Variants in PPARGC1A observed in about 807,000 individuals in gnomAD.
The protein encoded by PPARGC1A is PPARG coactivator 1 alpha, also known as peroxisome proliferator-activated receptor gamma coactivator 1-alpha.
In PPARGC1A, 25 loss-of-function variants were observed where a neutral mutation model predicts 88.7. The ratio of observed to expected loss-of-function variants is 0.28; its 90% confidence interval spans 0.21 to 0.39. PPARGC1A has a LOEUF of 0.39. Ranked by LOEUF, PPARGC1A falls within the 10% of genes least tolerant of loss-of-function variation. The pLI is 1.00. For synonymous variants in PPARGC1A, 363 were observed against 355.6 expected (o/e 1.02, Z -0.24); for missense variants, 880 against 968.7 (o/e 0.91, Z 1.22).
At chr4:24,198,085 C>G in the PPARGC1A span, among the ~76,000 whole-genome samples, 1 of 152,114 alleles carries the variant, frequency 6.6e-6, no homozygotes, top group East Asian at 1.9e-4. Context: ...ACAGACATAC[C>G]AAAGCAAAGC....
chr4:24,141,905 C>T, the PPARGC1A span, among the ~76,000 whole-genome samples: 2 of 152,142 alleles, frequency 1.3e-5, no homozygotes, highest in Non-Finnish European at 2.9e-5. Context: ...AAAGGAGCCA[C>T]GTTTCTAATC....
intron 2 of PPARGC1A, among the ~76,000 whole-genome samples, chr4:23,832,599 T>A (rs1725217596): frequency 6.7e-6 from 1 of 148,920 alleles, no homozygotes; most frequent in South Asian, 2.1e-4. Context: ...TATTTCTTTT[T>A]CTTTTTCTTT....
intron 2 of PPARGC1A, among the ~76,000 whole-genome samples, chr4:23,859,845 T>G (rs1033211319): frequency 2.7e-5 from 3 of 111,768 alleles, no homozygotes; most frequent in African/African-American, 1.1e-4. Flanking sequence ...TAAAATAAAA[T>G]AAAATAAAAT....
the PPARGC1A span, among the ~76,000 whole-genome samples, chr4:24,246,822 A>G: frequency 6.6e-6 from 1 of 152,226 alleles, no homozygotes; most frequent in Non-Finnish European, 1.5e-5. Context: ...CCTGCTCTAG[A>G]GCCTGCTTTT....
At chr4:23,946,341 A>G in the PPARGC1A span, among the ~76,000 whole-genome samples, 870 of 152,270 alleles carry the variant, frequency 5.7e-3, 46 homozygotes, top group East Asian at 0.093. Flanking sequence ...GAGAGCCTCA[A>G]ATGAAAGCAC....
At chr4:23,884,439 C>G (rs2148832327) in intron 2 of PPARGC1A, 1 of 373,092 alleles carries the variant, frequency 2.7e-6, no homozygotes, top group African/African-American at 2.1e-5. Context: ...CAGGAATAAA[C>G]AGGTTTAGAC....
In PPARGC1A at chr4:23,885,179, C is replaced by T. The variant is rs549399028; in HGVS notation, c.55-248G>A. 5.9e-5 allele frequency among the ~76,000 whole-genome samples: 9 copies of T among 152,304 alleles called. No homozygotes were observed. The South Asian group carries it at 8.3e-4, about 14-fold the overall frequency. On this transcript the variant is annotated intron_variant, in intron 1 of 12. Transcript: ENST00000264867. ...AACACATGGTAAATACCAAGCTCCA[C>T]GAAGCTTTCTCTGATTCTTCCAGTT... is the stretch of plus-strand genomic sequence containing the variant.
At chr4:24,180,223 C>T in the PPARGC1A span, among the ~76,000 whole-genome samples, 236 of 152,290 alleles carry the variant, frequency 1.5e-3, no homozygotes, top group African/African-American at 5.4e-3. Context: ...ATTTACATCT[C>T]CCTTTCACAA....
chr4:24,113,454 T>C, the PPARGC1A span, among the ~76,000 whole-genome samples: 1 of 152,262 alleles, frequency 6.6e-6, no homozygotes, highest in South Asian at 2.1e-4. Flanking sequence ...AGACAACCAA[T>C]ATTGGGTATT....
chr4:24,042,522 C>A, the PPARGC1A span, among the ~76,000 whole-genome samples: 1 of 152,196 alleles, frequency 6.6e-6, no homozygotes, highest in Non-Finnish European at 1.5e-5. Flanking sequence ...AAAACACATG[C>A]TACTTATATT....
chr4:23,972,284 G>A, the PPARGC1A span, among the ~76,000 whole-genome samples: 8 of 152,162 alleles, frequency 5.3e-5, no homozygotes, highest in African/African-American at 7.2e-5. Context: ...ACCTAGGCTA[G>A]GAAGATGAAT....
the PPARGC1A span, among the ~76,000 whole-genome samples, chr4:24,321,417 C>T: frequency 2.6e-5 from 4 of 152,128 alleles, no homozygotes; most frequent in Non-Finnish European, 2.9e-5. Flanking sequence ...CATTTCCCTG[C>T]TAAATATAAC....
At chr4:24,470,281 C>CAG in the PPARGC1A span, among the ~76,000 whole-genome samples, 4 of 109,686 alleles carry the variant, frequency 3.6e-5, no homozygotes, top group East Asian at 2.3e-4. This position sits in a 1 kb window ranked among gnomAD's most constrained non-coding sequence, Gnocchi z 5.8. Flanking sequence ...GACACAGACA[C>CAG]ACACACACAC....
chr4:24,325,901 C>A, the PPARGC1A span, among the ~76,000 whole-genome samples: 1 of 151,758 alleles, frequency 6.6e-6, no homozygotes, highest in African/African-American at 2.4e-5. Flanking sequence ...TCTGGTGGCA[C>A]CAACTTAGAC....
chr4:24,319,980 G>A, the PPARGC1A span, among the ~76,000 whole-genome samples: 1 of 152,150 alleles, frequency 6.6e-6, no homozygotes, highest in African/African-American at 2.4e-5. Flanking sequence ...CTAGACACAG[G>A]TGTGCCTCAC....
the PPARGC1A span, among the ~76,000 whole-genome samples, chr4:24,016,711 G>A: frequency 5.3e-5 from 8 of 152,120 alleles, no homozygotes; most frequent in African/African-American, 1.9e-4. Context: ...TTTTGTTACT[G>A]TTCAAATTGA....
chr4:23,999,760 A>G, the PPARGC1A span, among the ~76,000 whole-genome samples: 4 of 152,142 alleles, frequency 2.6e-5, no homozygotes, highest in African/African-American at 9.7e-5. Context: ...ACCTCCTTGC[A>G]CGGGAAAGAA....
At chr4:24,353,637 GT>G in the PPARGC1A span, among the ~76,000 whole-genome samples, 3 of 152,298 alleles carry the variant, frequency 2.0e-5, no homozygotes, top group East Asian at 5.8e-4. Flanking sequence ...CCTGCAGATT[GT>G]TGTGAGAGTT....
At chr4:24,394,630 A>G in the PPARGC1A span, among the ~76,000 whole-genome samples, 2 of 152,200 alleles carry the variant, frequency 1.3e-5, no homozygotes, top group East Asian at 1.9e-4. Context: ...TTCCTCCCCA[A>G]TGGTACCACG....
Sources: allele counts gnomAD v4.1 joint callset (sites outside exome capture counted in the v4.1 genomes callset), GRCh38; gene constraint gnomAD v4.1.1; non-coding constraint Gnocchi (gnomAD v3.1); transcripts MANE v1.5; gene names NCBI Gene and HGNC (gene_info 2026-07-23, HGNC 2026-07-21).